Variants in KCNQ3 observed in about 807,000 individuals in gnomAD.
KCNQ3 encodes potassium voltage-gated channel subfamily Q member 3.
In KCNQ3, 30 loss-of-function variants were observed where a neutral mutation model predicts 92.5. That is an observed-to-expected ratio of 0.32 (90% CI 0.24 to 0.44). The LOEUF is 0.44. Among genes scored for constraint, KCNQ3 ranks in the 20% least tolerant of loss-of-function variants. KCNQ3 has a pLI of 1.00. For missense variants in KCNQ3, 913 were observed against 1,140.3 expected, an observed-to-expected ratio of 0.80 and a Z score of 2.87; for synonymous variants, 450 against 468.8, an observed-to-expected ratio of 0.96 and a Z score of 0.52.
At chr8:132,440,094 G>T (rs927505504) in intron 1 of KCNQ3, among the ~76,000 whole-genome samples, 1 of 152,184 alleles carries the variant, frequency 6.6e-6, no homozygotes, top group African/African-American at 2.4e-5. Flanking sequence ...TGCTATGTCA[G>T]TAGTCATTAT....
intron 1 of KCNQ3, among the ~76,000 whole-genome samples, chr8:132,391,021 G>C (rs1377245234): frequency 6.6e-6 from 1 of 152,188 alleles, no homozygotes; most frequent in Non-Finnish European, 1.5e-5. Flanking sequence ...TGCAGTTTCA[G>C]AAAACAGTCC....
At chr8:132,379,889 T>C (rs1195502694) in intron 1 of KCNQ3, among the ~76,000 whole-genome samples, 1 of 137,086 alleles carries the variant, frequency 7.3e-6, no homozygotes, top group Non-Finnish European at 1.5e-5. Context: ...CTTGGCATCT[T>C]TTTTTTTTTT....
intron 1 of KCNQ3, among the ~76,000 whole-genome samples, chr8:132,380,657 C>T (rs1382970967): frequency 2.0e-5 from 3 of 152,024 alleles, no homozygotes; most frequent in Non-Finnish European, 2.9e-5. Context: ...GACTTACCTT[C>T]TGTTTTTTCC....
intron 1 of KCNQ3, among the ~76,000 whole-genome samples, chr8:132,281,636 C>A (rs1394240128): frequency 6.6e-6 from 1 of 151,958 alleles, no homozygotes; most frequent in Non-Finnish European, 1.5e-5. Flanking sequence ...TCCACATGGA[C>A]AACTATAACA....
At chr8:132,259,554 A>T (rs1332368165) in intron 1 of KCNQ3, among the ~76,000 whole-genome samples, 2 of 152,188 alleles carry the variant, frequency 1.3e-5, no homozygotes, top group African/African-American at 4.8e-5. Context: ...CCTTGGTAGT[A>T]AACGACTGAA....
At chr8:132,221,724 A>C (rs1814244124) in intron 1 of KCNQ3, among the ~76,000 whole-genome samples, 1 of 152,128 alleles carries the variant, frequency 6.6e-6, no homozygotes, top group Non-Finnish European at 1.5e-5. Context: ...AGATATATAG[A>C]CCAATGGAAC....
intron 1 of KCNQ3, among the ~76,000 whole-genome samples, chr8:132,465,961 G>A (rs1822163650): frequency 6.6e-6 from 1 of 152,052 alleles, no homozygotes; most frequent in East Asian, 1.9e-4. Flanking sequence ...ATAAATAAAA[G>A]GAAAGAACTC....
chr8:132,363,645 C>G (rs770557985), intron 1 of KCNQ3, among the ~76,000 whole-genome samples: 1 of 152,012 alleles, frequency 6.6e-6, no homozygotes, highest in African/African-American at 2.4e-5. Context: ...TTCTGTAGTA[C>G]GCTGTCACCA....
chr8:132,424,252 C>T (rs1009805838), intron 1 of KCNQ3, among the ~76,000 whole-genome samples: 2 of 152,118 alleles, frequency 1.3e-5, no homozygotes, highest in South Asian at 2.1e-4. Flanking sequence ...ACAGAATAGA[C>T]GTGCCCCCCA....
intron 1 of KCNQ3, among the ~76,000 whole-genome samples, chr8:132,326,049 T>G (rs1471764180): frequency 1.3e-5 from 2 of 152,134 alleles, no homozygotes; most frequent in African/African-American, 2.4e-5. Context: ...TTGAGAGAGA[T>G]ATGTTGTCTC....
At chr8:132,276,648 T>C (rs979323406) in intron 1 of KCNQ3, among the ~76,000 whole-genome samples, 3 of 152,216 alleles carry the variant, frequency 2.0e-5, no homozygotes, top group Non-Finnish European at 4.4e-5. Flanking sequence ...TACTCTGTTC[T>C]GCGGCTGCAC....
Position 132,286,745 on chromosome 8 carries a change from C to T in KCNQ3, c.387-100564G>A, listed in dbSNP as rs537883278. Among the ~76,000 whole-genome samples the T allele has an allele frequency of 2.4e-4, 36 of 152,282 alleles. No individual in the cohort carries two copies. The South Asian group carries it at 6.6e-3, about 28-fold the overall frequency. ...CAAAACTTATGTTGAAATTTAATTG[C>T]CACTGTGACAATGTTGGGAGGTAGT... On this transcript the variant is annotated intron_variant, in intron 1 of 14. Coordinates refer to ENST00000388996, the MANE Select transcript of KCNQ3 (RefSeq NM_004519.4).
chr8:132,475,206 A>G (rs1411812371), intron 1 of KCNQ3, among the ~76,000 whole-genome samples: 3 of 152,194 alleles, frequency 2.0e-5, no homozygotes, highest in African/African-American at 7.2e-5. Context: ...GTATTTCTTT[A>G]TAGCAGTGTG....
chr8:132,406,717 A>G (rs1820493173), intron 1 of KCNQ3, among the ~76,000 whole-genome samples: 1 of 152,190 alleles, frequency 6.6e-6, no homozygotes. Context: ...CCATCAGTTT[A>G]ATAATAAGTC....
chr8:132,275,792 T>C (rs566472431), intron 1 of KCNQ3, among the ~76,000 whole-genome samples: 1 of 152,146 alleles, frequency 6.6e-6, no homozygotes, highest in Non-Finnish European at 1.5e-5. Flanking sequence ...TTAGCCAGGA[T>C]GGTCTCGATT....
chr8:132,453,816 A>G (rs1821879373), intron 1 of KCNQ3, among the ~76,000 whole-genome samples: 1 of 152,198 alleles, frequency 6.6e-6, no homozygotes, highest in Non-Finnish European at 1.5e-5. Flanking sequence ...ACCTGGCCCA[A>G]CTAGAAGACG....
At chr8:132,349,596 G>T (rs569364748) in intron 1 of KCNQ3, among the ~76,000 whole-genome samples, 1 of 152,280 alleles carries the variant, frequency 6.6e-6, no homozygotes, top group Non-Finnish European at 1.5e-5. Context: ...TACGCATTTG[G>T]GTTTCCCCTC....
chr8:132,312,025 G>A (rs1817608231), intron 1 of KCNQ3, among the ~76,000 whole-genome samples: 1 of 151,974 alleles, frequency 6.6e-6, no homozygotes, highest in Non-Finnish European at 1.5e-5. Flanking sequence ...CAGAGATGGA[G>A]TGATGCATCT....
At chr8:132,374,760 A>G (rs1043018337) in intron 1 of KCNQ3, among the ~76,000 whole-genome samples, 1 of 152,142 alleles carries the variant, frequency 6.6e-6, no homozygotes, top group African/African-American at 2.4e-5. Flanking sequence ...TCCAACTTCT[A>G]ACTCAGAAAA....
Sources: allele counts gnomAD v4.1 joint callset (sites outside exome capture counted in the v4.1 genomes callset), GRCh38; gene constraint gnomAD v4.1.1; transcripts MANE v1.5; gene names NCBI Gene and HGNC (gene_info 2026-07-23, HGNC 2026-07-21).